The following CSMD2 variants were observed in gnomAD, a reference collection of about 807,000 sequenced individuals.
CSMD2 encodes CUB and sushi domain-containing protein 2.
In CSMD2, 130 loss-of-function variants were observed where a neutral mutation model predicts 398.5. The ratio of observed to expected loss-of-function variants is 0.33; its 90% confidence interval spans 0.28 to 0.38. The LOEUF (loss-of-function observed/expected upper bound fraction) is 0.38. Ranked by LOEUF, CSMD2 falls within the 10% of genes least tolerant of loss-of-function variation. CSMD2 has a pLI of 1.00. For synonymous variants in CSMD2, 1,828 were observed against 1,908.5 expected, an observed-to-expected ratio of 0.96 and a Z score of 1.10; for missense variants, 3,829 against 4,764.9, an observed-to-expected ratio of 0.80 and a Z score of 5.78.
At chr1:34,061,554 AC>A (rs1654513195) in intron 2 of CSMD2, among the ~76,000 whole-genome samples, 1 of 152,098 alleles carries the variant, frequency 6.6e-6, no homozygotes, top group Non-Finnish European at 1.5e-5. Context: ...AAATCCCAGC[AC>A]CACCACTTAT....
intron 1 of CSMD2, among the ~76,000 whole-genome samples, chr1:34,153,324 G>A (rs960018362): frequency 6.6e-6 from 1 of 152,156 alleles, no homozygotes. Context: ...GCCTGTAACT[G>A]GTTTCTTTCA....
rs753962666 is a variant in CSMD2, at chr1:33,820,565, CAAAAAAA to C, written c.1112-16_1112-10del. The C allele has an allele frequency of 1.5e-3, 653 of 442,704 alleles. No individual in the cohort carries two copies. The highest frequency in any genetic ancestry group is 1.7e-3 in the Non-Finnish European group (450 of 269,442). The allele number at this position is 442,704 out of a possible 1,614,324, so 27.4% of individuals were successfully genotyped here. On this transcript the variant is annotated splice_polypyrimidine_tract_variant and intron_variant, in intron 7 of 70. Coordinates refer to ENST00000373381, the MANE Select transcript of CSMD2 (RefSeq NM_001281956.2). ...CACACCAACCTGAGTTACTACAAGGCAAAAAAAAAAAAAAAAAAAAAAACAGCACACA... is the reference window on the plus strand; with the variant it reads ...CACACCAACCTGAGTTACTACAAGGCAAAAAAAAAAAAAAAACAGCACACA...
At chr1:33,628,662 C>G (rs144157371) in intron 32 of CSMD2, among the ~76,000 whole-genome samples, 1,562 of 129,080 alleles carry the variant, frequency 0.012, 28 homozygotes, top group African/African-American at 0.049. Context: ...GAGTGAGACT[C>G]TGTCTCAAAA....
intron 42 of CSMD2, among the ~76,000 whole-genome samples, chr1:33,603,633 T>C (rs1441577109): frequency 6.6e-6 from 1 of 152,184 alleles, no homozygotes; most frequent in Non-Finnish European, 1.5e-5. Flanking sequence ...CAAGGTACTC[T>C]AGTTCTGTCC....
chr1:34,067,279 T>G (rs950773845), intron 2 of CSMD2, among the ~76,000 whole-genome samples: 2 of 152,202 alleles, frequency 1.3e-5, no homozygotes, highest in African/African-American at 4.8e-5. Flanking sequence ...CAACAGAGCA[T>G]TATTTGCAAA....
intron 64 of CSMD2, among the ~76,000 whole-genome samples, chr1:33,532,239 C>G (rs895344558): frequency 1.3e-5 from 2 of 152,216 alleles, no homozygotes; most frequent in Non-Finnish European, 2.9e-5. Context: ...ATTAACTTCT[C>G]TATGCCCTAG....
At chr1:33,784,440 G>C (rs1653252631) in intron 12 of CSMD2, among the ~76,000 whole-genome samples, 1 of 152,142 alleles carries the variant, frequency 6.6e-6, no homozygotes, top group Admixed American at 6.5e-5. Context: ...AAAAGTCAAA[G>C]GTGGAAGGGA....
intron 29 of CSMD2, among the ~76,000 whole-genome samples, chr1:33,645,075 G>T (rs527432604): frequency 6.6e-6 from 1 of 152,234 alleles, no homozygotes; most frequent in Admixed American, 6.5e-5. Flanking sequence ...GTTTGCCATT[G>T]TTCTAATTAG....
rs868732926 is a variant in CSMD2, at chr1:33,684,197, C to T, written c.4052+8733G>A. Among the ~76,000 whole-genome samples, 4 of 152,334 alleles carry T rather than the reference C, an allele frequency of 2.6e-5. 1 individual carries two copies. Among genetic ancestry groups the T allele is most frequent in the Middle Eastern group, 6.8e-3 (2 of 294 alleles). The stretch of plus-strand genomic sequence containing the variant: ...TCCCAGGAAGATAAGCTCCACTGGG[C>T]AGGGGTCCTGGTTAATCAAAACCAT... On this transcript the variant is annotated intron_variant, in intron 25 of 70. Coordinates refer to ENST00000373381, the MANE Select transcript of CSMD2 (RefSeq NM_001281956.2).
chr1:33,634,037 T>A (rs1642643092), intron 31 of CSMD2, among the ~76,000 whole-genome samples: 1 of 152,212 alleles, frequency 6.6e-6, no homozygotes, highest in African/African-American at 2.4e-5. Flanking sequence ...ACAAACTGCA[T>A]GCCCACCTAC....
At chr1:33,697,892 G>C (rs752145280) in intron 24 of CSMD2, among the ~76,000 whole-genome samples, 7 of 152,198 alleles carry the variant, frequency 4.6e-5, no homozygotes, top group Non-Finnish European at 8.8e-5. Flanking sequence ...TGGCATGTGG[G>C]GCTTGGTAGG....
At chr1:33,759,324 CTTTTTTTT>C (rs756784492) in intron 13 of CSMD2, among the ~76,000 whole-genome samples, 2,832 of 124,780 alleles carry the variant, frequency 0.023, 46 homozygotes, top group South Asian at 0.037. Context: ...CTTTTTTTTT[CTTTTTTTT>C]TTTTTTTTTT....
rs529777814 is a variant in CSMD2 at position 33,624,542 on chromosome 1, C to G, written c.5602G>C (p.Val1868Leu). The G allele has an allele frequency of 6.2e-7, 1 of 1,613,940 alleles. No homozygotes were observed. Among genetic ancestry groups the G allele is most frequent in the African/African-American group, 1.3e-5 (1 of 75,056 alleles). The change falls in exon 35 of 71, where the codon GTC becomes CTC. Residue 1868 changes from valine (V) to leucine (L), a missense_variant. Transcript: ENST00000373381. This position sits in a 1 kb window ranked among gnomAD's most constrained non-coding sequence, Gnocchi z 4.7. ...ACCTGGATGCCAGCGCCTTCGGGGA[C>G]CACGATCTTCCACACACAGTTGAGG... is the stretch of plus-strand genomic sequence containing the variant. ...NSLNCVWKIV[V>L]PEGAGIQIQV... is the part of the protein sequence containing the mutation.
chr1:33,912,379 G>A (rs1459137379), intron 5 of CSMD2, among the ~76,000 whole-genome samples: 1 of 151,202 alleles, frequency 6.6e-6, no homozygotes, highest in Admixed American at 6.6e-5. Context: ...CCCACGGGTG[G>A]AAAGGAGCTT....
At position 33,514,864 on chromosome 1, in the gene CSMD2, C is replaced by T. The variant is rs1249256697; in HGVS notation, c.*1760G>A. ...GTCTGCTGGAAATGGACGCCTCTCA[C>T]TTTCCTCTGGCCACTCTTAACATCA... On this transcript the variant is annotated 3_prime_UTR_variant, in exon 71 of 71. Transcript: ENST00000373381. 1 of 152,176 alleles carries T rather than the reference C, an allele frequency of 6.6e-6. No homozygotes were observed. Among genetic ancestry groups the T allele is most frequent in the East Asian group, 1.9e-4 (1 of 5,188 alleles). 9.4% of individuals were successfully genotyped at this position (152,176 alleles called of 1,614,324 possible).
chr1:34,056,094 C>T (rs1188758019), intron 2 of CSMD2, among the ~76,000 whole-genome samples: 1 of 152,178 alleles, frequency 6.6e-6, no homozygotes, highest in Non-Finnish European at 1.5e-5. Context: ...TGAATATCAC[C>T]GTGGTACACT....
intron 51 of CSMD2, among the ~76,000 whole-genome samples, chr1:33,571,206 G>A (rs1396028963): frequency 6.6e-6 from 1 of 152,086 alleles, no homozygotes; most frequent in African/African-American, 2.4e-5. Context: ...TTGTGGGCAG[G>A]AACCAAAATC....
intron 1 of CSMD2, among the ~76,000 whole-genome samples, chr1:34,154,077 G>T (rs1460178237): frequency 6.6e-6 from 1 of 152,120 alleles, no homozygotes; most frequent in Non-Finnish European, 1.5e-5. Flanking sequence ...TTTTAAATGG[G>T]CAAAGAATAT....
At chr1:33,910,786 G>C (rs1643407239) in intron 5 of CSMD2, among the ~76,000 whole-genome samples, 1 of 152,324 alleles carries the variant, frequency 6.6e-6, no homozygotes, top group East Asian at 1.9e-4. Context: ...ACACACAAGA[G>C]AGCAAAGCCT....
Sources: gnomAD v4.1 joint callset for allele counts (sites outside exome capture counted in the v4.1 genomes callset) on GRCh38, gnomAD v4.1.1 for gene constraint, Gnocchi (gnomAD v3.1) non-coding constraint, MANE v1.5 for transcripts, NCBI Gene and HGNC (gene_info 2026-07-23, HGNC 2026-07-21) for gene names.